STK32B: variants seen among roughly 807,000 people sequenced by gnomAD.
STK32B encodes serine/threonine kinase 32B.
In STK32B, 43 loss-of-function variants were observed where a neutral mutation model predicts 52.6. The observed-to-expected ratio is 0.82, with a 90% CI of 0.64 to 1.05. STK32B has a LOEUF of 1.05. Among genes scored for constraint, STK32B ranks in the 50% least tolerant of loss-of-function variants. The pLI, the probability that STK32B is intolerant of heterozygous loss-of-function variation, is 0.00. For missense variants in STK32B, 621 were observed against 534.6 expected (o/e 1.16, Z -1.59); for synonymous variants, 238 against 204.3 (o/e 1.17, Z -1.41).
In STK32B at chr4:5,416,934, G is replaced by C. The variant is rs766231043; in HGVS notation, c.562G>C (p.Ala188Pro). 2 of 1,611,602 alleles carry C rather than the reference G, an allele frequency of 1.2e-6. No individual in the cohort carries two copies. The highest frequency in any genetic ancestry group is 1.7e-6 in the Non-Finnish European group (2 of 1,178,868). ...SSMAGTKPYM[A>P]PEVFQVYMDR... Reference sequence around the variant, plus strand: ...CATGGCTGGCACCAAGCCCTACATGGGTGAGTGTTCCAGGCCCCTTCTTTT... The same window carrying C: ...CATGGCTGGCACCAAGCCCTACATGCGTGAGTGTTCCAGGCCCCTTCTTTT... The change falls in exon 6 of 12, where the codon GCT becomes CCT. Residue 188 changes from alanine (A) to proline (P), a missense_variant and splice_region_variant. Transcript: ENST00000282908.
Position 5,190,711 on chromosome 4 carries a change from A to T in STK32B, c.260+22261A>T, listed in dbSNP as rs74934887. Among the ~76,000 whole-genome samples the T allele has an allele frequency of 8.6e-3, 1,308 of 152,298 alleles. 18 individuals are homozygous for T. The highest frequency in any genetic ancestry group is 0.03 in the African/African-American group (1,243 of 41,564). ...CGGTGTGAATAAGGATGCTCACAGG[A>T]AACGCTGAGACTGTGGAGTAAGAGG... On this transcript the variant is annotated intron_variant, in intron 3 of 11. Coordinates refer to ENST00000282908, the MANE Select transcript of STK32B (RefSeq NM_018401.3).
intron 9 of STK32B, among the ~76,000 whole-genome samples, chr4:5,462,332 A>G (rs560354335): frequency 2.5e-4 from 36 of 143,878 alleles, no homozygotes; most frequent in African/African-American, 8.2e-4. Context: ...CTGTATGTCT[A>G]TATGTGTCCG....
At chr4:5,418,258 C>A (rs1055394830) in intron 6 of STK32B, among the ~76,000 whole-genome samples, 1 of 151,684 alleles carries the variant, frequency 6.6e-6, no homozygotes, top group Non-Finnish European at 1.5e-5. Flanking sequence ...TTCTGCTCTT[C>A]ATTCTCCTTT....
chr4:5,353,713 G>A (rs1383840612), intron 4 of STK32B, among the ~76,000 whole-genome samples: 1 of 152,158 alleles, frequency 6.6e-6, no homozygotes, highest in Non-Finnish European at 1.5e-5. Flanking sequence ...CAGTTAGAAT[G>A]ACTACTACTA....
chr4:5,232,957 A>G (rs1040223874), intron 3 of STK32B, among the ~76,000 whole-genome samples: 55 of 152,298 alleles, frequency 3.6e-4, no homozygotes, highest in African/African-American at 1.3e-3. Flanking sequence ...CTTTCTCCAC[A>G]CAGCTCCCTT....
At chr4:5,242,978 T>C (rs531620037) in intron 3 of STK32B, among the ~76,000 whole-genome samples, 2 of 152,350 alleles carry the variant, frequency 1.3e-5, no homozygotes, top group South Asian at 4.1e-4. Context: ...TTGGTTACTG[T>C]AGCCTTGTAG....
At chr4:5,209,843 A>G (rs1034394578) in intron 3 of STK32B, among the ~76,000 whole-genome samples, 1 of 152,138 alleles carries the variant, frequency 6.6e-6, no homozygotes, top group African/African-American at 2.4e-5. Flanking sequence ...CAAAACTGCA[A>G]CATCGAAAAA....
At chr4:5,235,794 T>C (rs1724591677) in intron 3 of STK32B, among the ~76,000 whole-genome samples, 1 of 152,164 alleles carries the variant, frequency 6.6e-6, no homozygotes, top group African/African-American at 2.4e-5. Flanking sequence ...CTTAACAAGG[T>C]CTCCTGCACA....
intron 1 of STK32B, among the ~76,000 whole-genome samples, chr4:5,112,051 C>T (rs1300233256): frequency 1.3e-5 from 2 of 152,138 alleles, no homozygotes; most frequent in African/African-American, 4.8e-5. Context: ...CCACCCATGC[C>T]CATCAGTCAC....
chr4:5,189,074 A>G (rs764600241), intron 3 of STK32B, among the ~76,000 whole-genome samples: 6 of 152,032 alleles, frequency 3.9e-5, no homozygotes, highest in Non-Finnish European at 8.8e-5. Context: ...GAGATTTCCC[A>G]TGCACCTGCT....
chr4:5,237,201 C>T (rs1182924983), intron 3 of STK32B, among the ~76,000 whole-genome samples: 1 of 152,172 alleles, frequency 6.6e-6, no homozygotes, highest in Non-Finnish European at 1.5e-5. Flanking sequence ...GTCATGCACC[C>T]ATCCCTGAGC....
intron 2 of STK32B, among the ~76,000 whole-genome samples, chr4:5,149,617 G>A (rs192702071): frequency 1.0e-3 from 157 of 151,904 alleles, no homozygotes; most frequent in African/African-American, 3.6e-3. Context: ...AACTGTAGAG[G>A]CCCATCTACC....
At chr4:5,060,283 TAA>T (rs1742170281) in intron 1 of STK32B, among the ~76,000 whole-genome samples, 1 of 152,206 alleles carries the variant, frequency 6.6e-6, no homozygotes, top group Non-Finnish European at 1.5e-5. Flanking sequence ...TTATTATTGA[TAA>T]GTTTCAAGTT....
At chr4:5,251,636 G>A (rs1001794376) in intron 3 of STK32B, among the ~76,000 whole-genome samples, 4 of 151,976 alleles carry the variant, frequency 2.6e-5, no homozygotes. Flanking sequence ...AGTTTGATAG[G>A]AATAGCTTTG....
At chr4:5,172,721 T>C (rs552291878) in intron 3 of STK32B, among the ~76,000 whole-genome samples, 7 of 152,336 alleles carry the variant, frequency 4.6e-5, no homozygotes, top group South Asian at 2.1e-4. Context: ...CAGTATTTTA[T>C]TGAGGATTTT....
chr4:5,208,011 A>C (rs1490131490), intron 3 of STK32B, among the ~76,000 whole-genome samples: 1 of 152,174 alleles, frequency 6.6e-6, no homozygotes, highest in Non-Finnish European at 1.5e-5. Context: ...AGGATGGGCT[A>C]AGCTATGCTG....
At position 5,122,865 on chromosome 4, in the gene STK32B, G is replaced by A. The variant is rs150913515; in HGVS notation, c.53-17040G>A. Reference sequence around the variant, plus strand: ...CTCCCTGGTTCTCTCCCAGCTCTCTGTGCACCCCTTCTCTGCCTGAGTCCC... The same window carrying A: ...CTCCCTGGTTCTCTCCCAGCTCTCTATGCACCCCTTCTCTGCCTGAGTCCC... On this transcript the variant is annotated intron_variant, in intron 1 of 11. Coordinates refer to ENST00000282908, the MANE Select transcript of STK32B (RefSeq NM_018401.3). 4.8e-3 allele frequency among the ~76,000 whole-genome samples: 736 copies of A among 152,098 alleles called. 7 individuals are homozygous for A. Among genetic ancestry groups the A allele is most frequent in the African/African-American group, 0.017 (703 of 41,494 alleles).
intron 1 of STK32B, among the ~76,000 whole-genome samples, chr4:5,052,476 C>T (rs977540313): frequency 6.6e-6 from 1 of 152,072 alleles, no homozygotes; most frequent in South Asian, 2.1e-4. Context: ...GCAGCCTCCC[C>T]CTGGCGCAGA....
chr4:5,206,198 C>T (rs1722566644), intron 3 of STK32B, among the ~76,000 whole-genome samples: 1 of 152,188 alleles, frequency 6.6e-6, no homozygotes, highest in African/African-American at 2.4e-5. Flanking sequence ...GCAAAAACCA[C>T]AAATAACCCT....
Sources: allele counts gnomAD v4.1 joint callset (sites outside exome capture counted in the v4.1 genomes callset), GRCh38; gene constraint gnomAD v4.1.1; transcripts MANE v1.5; gene names NCBI Gene and HGNC (gene_info 2026-07-23, HGNC 2026-07-21).